The following CADM2 variants were observed in gnomAD, a reference collection of about 807,000 sequenced individuals.
CADM2 encodes the protein cell adhesion molecule 2.
CADM2 carries 12 observed loss-of-function variants against 49.8 expected under a neutral mutation model. The ratio of observed to expected loss-of-function variants is 0.24; its 90% CI spans 0.15 to 0.39. The LOEUF (loss-of-function observed/expected upper bound fraction) is 0.39, where lower values mean the gene tolerates loss of function less well. CADM2 is among the 10% of genes least tolerant of loss of function. The pLI, the probability that CADM2 is intolerant of heterozygous loss-of-function variation, is 1.00. For synonymous variants in CADM2, 214 were observed against 175.4 expected, an observed-to-expected ratio of 1.22 and a Z score of -1.74; for missense variants, 378 against 492.3, an observed-to-expected ratio of 0.77 and a Z score of 2.20.
chr3:85,021,796 A>G (rs1363207781), intron 1 of CADM2, among the ~76,000 whole-genome samples: 14 of 152,170 alleles, frequency 9.2e-5, no homozygotes, highest in African/African-American at 3.4e-4. Flanking sequence ...TAATAAAAAC[A>G]AAAAATAAAA....
chr3:85,469,589 G>A (rs2038676580), intron 1 of CADM2, among the ~76,000 whole-genome samples: 1 of 152,156 alleles, frequency 6.6e-6, no homozygotes, highest in African/African-American at 2.4e-5. Context: ...CAAGAGAAAG[G>A]GGGAGAAATA....
chr3:85,331,878 A>G (rs535231216), intron 1 of CADM2, among the ~76,000 whole-genome samples: 2 of 152,146 alleles, frequency 1.3e-5, no homozygotes, highest in Admixed American at 1.3e-4. Flanking sequence ...AGTGTATAAA[A>G]CCCAGTTATC....
At chr3:85,200,380 G>A (rs946778435) in intron 1 of CADM2, among the ~76,000 whole-genome samples, 2 of 152,020 alleles carry the variant, frequency 1.3e-5, no homozygotes, top group Admixed American at 6.6e-5. Flanking sequence ...TTTAGATACT[G>A]ATAACTTGGT....
Position 85,912,356 on chromosome 3 carries a change from T to C in CADM2, c.530-17T>C. ...TTTGAAAGGTGTCACATTTTAAAAT[T>C]CATATTTTATTTTCAGATGTAAAAT... On this transcript the variant is annotated splice_polypyrimidine_tract_variant and intron_variant, in intron 5 of 9. Transcript: ENST00000383699. 6.3e-7 allele frequency: 1 copy of C among 1,580,338 alleles called. No homozygotes were observed. Among genetic ancestry groups the C allele is most frequent in the Non-Finnish European group, 8.6e-7 (1 of 1,158,026 alleles).
intron 1 of CADM2, among the ~76,000 whole-genome samples, chr3:85,501,303 G>T (rs2040106595): frequency 6.6e-6 from 1 of 152,134 alleles, no homozygotes. Flanking sequence ...AAATATTAGA[G>T]AAAAGATTGA....
At chr3:85,158,890 C>T (rs1434454652) in intron 1 of CADM2, among the ~76,000 whole-genome samples, 2 of 151,560 alleles carry the variant, frequency 1.3e-5, no homozygotes, top group African/African-American at 2.4e-5. Flanking sequence ...AAAAAATTAA[C>T]ACTGCATTTA....
chr3:85,934,052 CA>C (rs1415737637), intron 6 of CADM2, among the ~76,000 whole-genome samples: 1 of 152,118 alleles, frequency 6.6e-6, no homozygotes, highest in African/African-American at 2.4e-5. Context: ...GTCAAACTGA[CA>C]CACAAAATTA....
chr3:85,423,129 T>C (rs1390618000), intron 1 of CADM2, among the ~76,000 whole-genome samples: 3 of 152,118 alleles, frequency 2.0e-5, no homozygotes, highest in East Asian at 3.9e-4. Context: ...TCGGCCATCC[T>C]AAGGCAGATT....
intron 7 of CADM2, among the ~76,000 whole-genome samples, chr3:85,951,957 G>A (rs1007084536): frequency 2.0e-5 from 3 of 150,970 alleles, no homozygotes; most frequent in African/African-American, 7.3e-5. Flanking sequence ...GGAGGGAAGT[G>A]AACGGGAGAG....
intron 1 of CADM2, among the ~76,000 whole-genome samples, chr3:85,546,635 A>G (rs1367713907): frequency 1.3e-5 from 2 of 152,160 alleles, no homozygotes; most frequent in Admixed American, 1.3e-4. Context: ...GTGGTAGTAA[A>G]TTGAGTTGCA....
chr3:85,458,943 A>G (rs542275287), intron 1 of CADM2, among the ~76,000 whole-genome samples: 2 of 152,324 alleles, frequency 1.3e-5, no homozygotes, highest in East Asian at 3.9e-4. Context: ...TCTCTTCAGT[A>G]TACAAATGGA....
chr3:85,003,406 T>G lies in CADM2; in HGVS notation c.61+43738T>G, dbSNP rs372407097. On this transcript the variant is annotated intron_variant, in intron 1 of 9. Coordinates refer to ENST00000383699, the MANE Select transcript of CADM2 (RefSeq NM_001167675.2). Reference sequence around the variant, plus strand: ...AATCTTATATTTTTAGGACTAGAAATTCTATGAAAAAGCTAGAAAAGTAAC... The same window carrying G: ...AATCTTATATTTTTAGGACTAGAAAGTCTATGAAAAAGCTAGAAAAGTAAC... Among the ~76,000 whole-genome samples, 11 of 152,220 alleles carry G rather than the reference T, an allele frequency of 7.2e-5. No individual in the cohort carries two copies. The East Asian group carries it at 1.7e-3, about 24-fold the overall frequency.
chr3:85,632,741 C>A (rs934716066), intron 1 of CADM2, among the ~76,000 whole-genome samples: 24 of 151,842 alleles, frequency 1.6e-4, no homozygotes, highest in Non-Finnish European at 1.6e-4. Context: ...CTATGACAAG[C>A]CCAACTTCAC....
At chr3:85,432,449 T>A (rs763417789) in intron 1 of CADM2, among the ~76,000 whole-genome samples, 5 of 152,078 alleles carry the variant, frequency 3.3e-5, no homozygotes, top group African/African-American at 4.8e-5. Flanking sequence ...AAGTTTTAAG[T>A]GGGTCCCTCC....
chr3:85,756,725 A>G (rs9681744), intron 2 of CADM2, among the ~76,000 whole-genome samples: 99,513 of 151,968 alleles, frequency 0.65, 32,941 homozygotes, highest in East Asian at 0.77. Flanking sequence ...ATAGATATTA[A>G]GATTATATTA....
chr3:85,685,743 C>A (rs1310665820), intron 1 of CADM2, among the ~76,000 whole-genome samples: 1 of 151,650 alleles, frequency 6.6e-6, no homozygotes, highest in Non-Finnish European at 1.5e-5. Flanking sequence ...CCTTCCTCAG[C>A]CTCCTGAGTC....
At chr3:85,951,990 A>C (rs1459486140) in intron 7 of CADM2, among the ~76,000 whole-genome samples, 1 of 150,992 alleles carries the variant, frequency 6.6e-6, no homozygotes, top group Non-Finnish European at 1.5e-5. Context: ...ATAAAGGAAA[A>C]TAGTGGGCCC....
intron 1 of CADM2, among the ~76,000 whole-genome samples, chr3:85,260,978 G>A (rs1050753026): frequency 6.6e-6 from 1 of 151,964 alleles, no homozygotes; most frequent in Admixed American, 6.6e-5. Context: ...TTGAGTAACT[G>A]GAAAGAATAG....
intron 1 of CADM2, among the ~76,000 whole-genome samples, chr3:85,527,181 T>C (rs1228498120): frequency 1.3e-5 from 2 of 151,872 alleles, no homozygotes; most frequent in South Asian, 4.1e-4. Context: ...CAGTGAGAAA[T>C]TTGAGACCAG....
Sources: allele counts gnomAD v4.1 joint callset (sites outside exome capture counted in the v4.1 genomes callset), GRCh38; gene constraint gnomAD v4.1.1; transcripts MANE v1.5; gene names NCBI Gene and HGNC (gene_info 2026-07-23, HGNC 2026-07-21).